The following RPS6KC1 variants were observed in gnomAD, a reference collection of about 807,000 sequenced individuals.
RPS6KC1 encodes ribosomal protein S6 kinase C1, also known as inactive ribosomal protein S6 kinase delta-1.
A neutral mutation model predicts 103.8 loss-of-function variants in RPS6KC1; 54 were observed. The ratio of observed to expected loss-of-function variants is 0.52; its 90% CI spans 0.42 to 0.65. The LOEUF is 0.65. RPS6KC1 is among the 30% of genes least tolerant of loss of function. RPS6KC1 has a pLI of 0.00. For missense variants in RPS6KC1, 1,151 were observed against 1,253.8 expected, an observed-to-expected ratio of 0.92 and a Z score of 1.24; for synonymous variants, 439 against 438.7, an observed-to-expected ratio of 1.00 and a Z score of -0.01.
chr1:213,459,566 GT>G, the RPS6KC1 span, among the ~76,000 whole-genome samples: 4 of 151,860 alleles, frequency 2.6e-5, no homozygotes, highest in African/African-American at 4.8e-5. Flanking sequence ...TTTTTGGAGG[GT>G]TTTTTTCTGT....
At chr1:213,857,134 A>G in the RPS6KC1 span, among the ~76,000 whole-genome samples, 2 of 152,174 alleles carry the variant, frequency 1.3e-5, no homozygotes, top group African/African-American at 2.4e-5. Flanking sequence ...TTTTTACCAA[A>G]TTGATTGACC....
the RPS6KC1 span, among the ~76,000 whole-genome samples, chr1:213,685,595 A>C: frequency 4.6e-5 from 7 of 151,088 alleles, no homozygotes; most frequent in South Asian, 1.5e-3. Context: ...GTGCCACTAC[A>C]CTGTAGCCTG....
intron 12 of RPS6KC1, among the ~76,000 whole-genome samples, chr1:213,250,172 A>C (rs2094521571): frequency 6.6e-6 from 1 of 152,166 alleles, no homozygotes; most frequent in Admixed American, 6.6e-5. Flanking sequence ...GACTGAGGTG[A>C]GCCGAAAAAG....
the RPS6KC1 span, among the ~76,000 whole-genome samples, chr1:213,476,739 T>C: frequency 6.6e-6 from 1 of 152,170 alleles, no homozygotes; most frequent in Non-Finnish European, 1.5e-5. Context: ...TTCCTTACCC[T>C]TTTCTCTCTT....
chr1:213,740,676 T>C, the RPS6KC1 span, among the ~76,000 whole-genome samples: 257 of 149,186 alleles, frequency 1.7e-3, 3 homozygotes, highest in Admixed American at 3.6e-3. Flanking sequence ...CACATATATA[T>C]CTCTCAGATA....
At chr1:213,668,573 A>G in the RPS6KC1 span, among the ~76,000 whole-genome samples, 8 of 152,126 alleles carry the variant, frequency 5.3e-5, no homozygotes, top group Non-Finnish European at 8.8e-5. Context: ...CAGAACGATC[A>G]GTGAGCATTG....
At chr1:213,648,743 T>C in the RPS6KC1 span, among the ~76,000 whole-genome samples, 6 of 152,146 alleles carry the variant, frequency 3.9e-5, no homozygotes, top group Non-Finnish European at 4.4e-5. Flanking sequence ...GCTTCACTTC[T>C]CTTGCCAGCC....
At chr1:213,456,464 G>A in the RPS6KC1 span, among the ~76,000 whole-genome samples, 2 of 152,066 alleles carry the variant, frequency 1.3e-5, no homozygotes, top group African/African-American at 2.4e-5. Flanking sequence ...TGTCCTGAAC[G>A]TATCTTCATT....
chr1:213,300,048 G>A, the RPS6KC1 span, among the ~76,000 whole-genome samples: 2 of 152,036 alleles, frequency 1.3e-5, no homozygotes, highest in African/African-American at 4.8e-5. Context: ...CTCATGATCT[G>A]CCTGCCTCGG....
the RPS6KC1 span, among the ~76,000 whole-genome samples, chr1:213,737,426 T>G: frequency 6.6e-6 from 1 of 152,204 alleles, no homozygotes; most frequent in Non-Finnish European, 1.5e-5. Context: ...AAATGGTGAT[T>G]TCAGCAACCT....
At chr1:213,407,494 A>G in the RPS6KC1 span, among the ~76,000 whole-genome samples, 1 of 152,218 alleles carries the variant, frequency 6.6e-6, no homozygotes, top group African/African-American at 2.4e-5. Flanking sequence ...CACTACCTGA[A>G]GTAGCTTGCC....
At chr1:213,425,919 C>A in the RPS6KC1 span, among the ~76,000 whole-genome samples, 3 of 152,158 alleles carry the variant, frequency 2.0e-5, no homozygotes, top group Admixed American at 2.0e-4. Context: ...GTGGCCTCTG[C>A]AGGAGACGCT....
chr1:213,115,062 C>T (rs973530529), intron 4 of RPS6KC1, among the ~76,000 whole-genome samples: 28 of 152,220 alleles, frequency 1.8e-4, no homozygotes, highest in African/African-American at 6.0e-4. Context: ...ATGATGCTGG[C>T]ATCATAAAAT....
intron 1 of RPS6KC1, among the ~76,000 whole-genome samples, chr1:213,063,620 T>C (rs549139514): frequency 6.6e-6 from 1 of 152,310 alleles, no homozygotes; most frequent in Non-Finnish European, 1.5e-5. Flanking sequence ...GTAGGTGTTG[T>C]ACTAAATAAA....
the RPS6KC1 span, among the ~76,000 whole-genome samples, chr1:213,431,339 C>A: frequency 6.6e-6 from 1 of 152,090 alleles, no homozygotes; most frequent in East Asian, 1.9e-4. Flanking sequence ...CGGAAAAGTA[C>A]ATAATTCCTA....
the RPS6KC1 span, among the ~76,000 whole-genome samples, chr1:213,562,623 C>A: frequency 6.6e-6 from 1 of 151,896 alleles, no homozygotes; most frequent in Non-Finnish European, 1.5e-5. Flanking sequence ...CTGCCTTGGC[C>A]TCCCAAAGTG....
chr1:213,515,909 G>A, the RPS6KC1 span, among the ~76,000 whole-genome samples: 3 of 151,682 alleles, frequency 2.0e-5, no homozygotes, highest in African/African-American at 4.8e-5. Flanking sequence ...ATTTCATTGA[G>A]CAGTGGTTTG....
chr1:213,536,938 C>T, the RPS6KC1 span, among the ~76,000 whole-genome samples: 2 of 152,116 alleles, frequency 1.3e-5, no homozygotes, highest in Non-Finnish European at 2.9e-5. Context: ...CAGAATTGGT[C>T]CGGTGGTGGT....
intron 4 of RPS6KC1, among the ~76,000 whole-genome samples, chr1:213,112,929 G>A (rs1160864934): frequency 6.6e-6 from 1 of 152,220 alleles, no homozygotes. Flanking sequence ...ATTCCATGGT[G>A]TATATGTGCC....
Sources: allele counts gnomAD v4.1 joint callset (sites outside exome capture counted in the v4.1 genomes callset), GRCh38; gene constraint gnomAD v4.1.1; transcripts MANE v1.5; gene names NCBI Gene and HGNC (gene_info 2026-07-23, HGNC 2026-07-21).